SPMIP4: variants seen among roughly 807,000 people sequenced by gnomAD.
SPMIP4 encodes sperm microtubule inner protein 4.
the SPMIP4 span, among the ~76,000 whole-genome samples, chr7:25,156,846 C>T: frequency 1.3e-5 from 2 of 152,326 alleles, no homozygotes; most frequent in Non-Finnish European, 1.5e-5. Context: ...CACCACCACA[C>T]CCAACTAATT....
the SPMIP4 span, among the ~76,000 whole-genome samples, chr7:25,162,859 C>A: frequency 9.9e-5 from 15 of 152,120 alleles, no homozygotes; most frequent in African/African-American, 2.4e-4. Flanking sequence ...GCAACTTCTA[C>A]CTCCTGGGTT....
At chr7:25,166,771 G>C in the SPMIP4 span, among the ~76,000 whole-genome samples, 4 of 151,820 alleles carry the variant, frequency 2.6e-5, no homozygotes, top group African/African-American at 9.7e-5. Flanking sequence ...GCACACGCCT[G>C]TAATCCCAGC....
the SPMIP4 span, among the ~76,000 whole-genome samples, chr7:25,156,261 C>A: frequency 6.6e-6 from 1 of 151,816 alleles, no homozygotes; most frequent in Non-Finnish European, 1.5e-5. Flanking sequence ...GGGAGAGGCA[C>A]GGGACAGAGT....
chr7:25,158,889 A>G, the SPMIP4 span, among the ~76,000 whole-genome samples: 2 of 151,786 alleles, frequency 1.3e-5, no homozygotes, highest in South Asian at 4.1e-4. Context: ...GATATACCCC[A>G]TTTTCAAACT....
At chr7:25,145,452 G>A in the SPMIP4 span, among the ~76,000 whole-genome samples, 5 of 152,164 alleles carry the variant, frequency 3.3e-5, no homozygotes. Context: ...ACATTTGAGA[G>A]GGGAACTGGC....
the SPMIP4 span, among the ~76,000 whole-genome samples, chr7:25,172,322 G>A: frequency 3.3e-5 from 5 of 152,276 alleles, no homozygotes; most frequent in Admixed American, 3.3e-4. The surrounding 1 kb of genome is among the most constrained non-coding windows in gnomAD (Gnocchi z 4.2). Flanking sequence ...GAGAGGAAAG[G>A]GGAGTAAGGG....
At chr7:25,152,624 C>CTAGAGT in the SPMIP4 span, among the ~76,000 whole-genome samples, 1 of 152,154 alleles carries the variant, frequency 6.6e-6, no homozygotes, top group South Asian at 2.1e-4. Flanking sequence ...CAATCTGATT[C>CTAGAGT]TAGAGTCTGC....
chr7:25,167,499 G>C, the SPMIP4 span, among the ~76,000 whole-genome samples: 1 of 152,176 alleles, frequency 6.6e-6, no homozygotes, highest in African/African-American at 2.4e-5. Flanking sequence ...TTTCTAATTG[G>C]CCTGTGACTG....
the SPMIP4 span, among the ~76,000 whole-genome samples, chr7:25,174,498 T>C: frequency 5.3e-5 from 8 of 152,204 alleles, no homozygotes; most frequent in Non-Finnish European, 1.2e-4. The surrounding 1 kb of genome is among the most constrained non-coding windows in gnomAD (Gnocchi z 4.5). Context: ...TTCAGTAATT[T>C]AGCCAGTAAC....
chr7:25,164,131 A>G, the SPMIP4 span, among the ~76,000 whole-genome samples: 2 of 152,194 alleles, frequency 1.3e-5, no homozygotes, highest in Admixed American at 6.5e-5. Flanking sequence ...GCCAGAATGC[A>G]TGGTCTGAAA....
chr7:25,168,603 G>A, the SPMIP4 span: 2 of 692,466 alleles, frequency 2.9e-6, no homozygotes, highest in Non-Finnish European at 4.6e-6. Flanking sequence ...CTCAGTGTCA[G>A]GTAGATTATG....
chr7:25,128,479 T>C, the SPMIP4 span, among the ~76,000 whole-genome samples: 1 of 152,226 alleles, frequency 6.6e-6, no homozygotes, highest in Non-Finnish European at 1.5e-5. The surrounding 1 kb of genome is among the most constrained non-coding windows in gnomAD (Gnocchi z 4.5). Context: ...ATGACCACCA[T>C]TGCACTAGCC....
At chr7:25,135,356 A>C in the SPMIP4 span, 1 of 985,392 alleles carries the variant, frequency 1.0e-6, no homozygotes, top group Non-Finnish European at 1.2e-6. Flanking sequence ...TGTAATGTGT[A>C]CATGCAGAGA....
chr7:25,153,944 GGT>G, the SPMIP4 span, among the ~76,000 whole-genome samples: 35 of 152,144 alleles, frequency 2.3e-4, no homozygotes, highest in African/African-American at 7.7e-4. Flanking sequence ...ACGCTAGCAG[GGT>G]AAGAGAATAA....
chr7:25,168,225 A>T, the SPMIP4 span: 1 of 1,426,336 alleles, frequency 7.0e-7, no homozygotes, highest in East Asian at 2.4e-5. Flanking sequence ...CAAAGGACTC[A>T]CAATGGAAGT....
the SPMIP4 span, among the ~76,000 whole-genome samples, chr7:25,144,779 C>A: frequency 6.6e-6 from 1 of 152,168 alleles, no homozygotes; most frequent in Non-Finnish European, 1.5e-5. Flanking sequence ...TTCATAGCAA[C>A]CCTGTGAGAT....
chr7:25,136,869 C>A, the SPMIP4 span: 1 of 1,409,098 alleles, frequency 7.1e-7, no homozygotes. This position sits in a 1 kb window ranked among gnomAD's most constrained non-coding sequence, Gnocchi z 5.7. Context: ...AAGTCATACC[C>A]ATTTTCATTG....
At chr7:25,152,717 TCCTCCCTC>T in the SPMIP4 span, among the ~76,000 whole-genome samples, 1 of 150,400 alleles carries the variant, frequency 6.6e-6, no homozygotes, top group Non-Finnish European at 1.5e-5. Context: ...CTCTTCCTTT[TCCTCCCTC>T]CCTCCCTCCC....
the SPMIP4 span, chr7:25,151,684 C>A: frequency 6.3e-7 from 1 of 1,583,348 alleles, no homozygotes; most frequent in East Asian, 2.2e-5. Flanking sequence ...ATAAGGATTA[C>A]CTGAAAATTT....
Sources: allele counts gnomAD v4.1 joint callset (sites outside exome capture counted in the v4.1 genomes callset), GRCh38; gene constraint gnomAD v4.1.1; non-coding constraint Gnocchi (gnomAD v3.1); transcripts MANE v1.5; gene names NCBI Gene and HGNC (gene_info 2026-07-23, HGNC 2026-07-21).